ZNRF1: variants seen among roughly 807,000 people sequenced by gnomAD.
ZNRF1 encodes the protein zinc and ring finger 1.
ZNRF1 carries 3 observed loss-of-function variants against 18.4 expected under a neutral mutation model. The ratio of observed to expected loss-of-function variants is 0.16; its 90% CI spans 0.07 to 0.42. The LOEUF (loss-of-function observed/expected upper bound fraction) is 0.42, where lower values mean the gene tolerates loss of function less well. ZNRF1 is among the 10% of genes least tolerant of loss of function. The probability of loss-of-function intolerance (pLI) is 0.99; values close to 1 mark genes in which losing one functional copy is unlikely to be tolerated. For synonymous variants in ZNRF1, 157 were observed against 144.2 expected (o/e 1.09, Z -0.64); for missense variants, 310 against 329.8 (o/e 0.94, Z 0.47).
At chr16:75,021,234 T>A (rs1156564327) in intron 1 of ZNRF1, among the ~76,000 whole-genome samples, 4 of 152,084 alleles carry the variant, frequency 2.6e-5, no homozygotes, top group African/African-American at 7.2e-5. Flanking sequence ...AGAGACTCTT[T>A]CACCACGTTG....
intron 2 of ZNRF1, among the ~76,000 whole-genome samples, chr16:75,103,407 C>T (rs764776676): frequency 3.3e-5 from 5 of 152,214 alleles, no homozygotes; most frequent in Non-Finnish European, 5.9e-5. Context: ...AACACTTCAT[C>T]GCCCCAAAAG....
intron 1 of ZNRF1, among the ~76,000 whole-genome samples, chr16:75,021,148 C>G (rs1294235416): frequency 6.6e-6 from 1 of 152,180 alleles, no homozygotes; most frequent in Non-Finnish European, 1.5e-5. Context: ...TCAAGTGATT[C>G]TCCTGCCTCA....
At chr16:75,064,323 TAAAC>T (rs1439544269) in intron 1 of ZNRF1, among the ~76,000 whole-genome samples, 4 of 150,824 alleles carry the variant, frequency 2.7e-5, no homozygotes, top group Admixed American at 6.6e-5. Context: ...AATAATTAAA[TAAAC>T]AAGAAAACTC....
intron 1 of ZNRF1, among the ~76,000 whole-genome samples, chr16:75,003,177 G>C (rs770426129): frequency 6.6e-5 from 10 of 152,190 alleles, no homozygotes; most frequent in Non-Finnish European, 1.3e-4. Context: ...TATCAGGCTG[G>C]TCTCAAACTC....
At chr16:75,045,660 G>A (rs1783617883) in intron 1 of ZNRF1, among the ~76,000 whole-genome samples, 1 of 151,582 alleles carries the variant, frequency 6.6e-6, no homozygotes, top group South Asian at 2.1e-4. Flanking sequence ...CTTTGAGTGT[G>A]AACCTGCATC....
At chr16:75,073,475 G>A (rs1411168149) in intron 1 of ZNRF1, among the ~76,000 whole-genome samples, 4 of 151,864 alleles carry the variant, frequency 2.6e-5, no homozygotes, top group African/African-American at 7.3e-5. Context: ...TCCCCACCCC[G>A]CCGTAGCCAA....
intron 1 of ZNRF1, among the ~76,000 whole-genome samples, chr16:75,030,562 A>C (rs1420786223): frequency 6.6e-6 from 1 of 152,182 alleles, no homozygotes; most frequent in African/African-American, 2.4e-5. Flanking sequence ...CCAACAGCAC[A>C]AGCAACACAA....
intron 1 of ZNRF1, among the ~76,000 whole-genome samples, chr16:75,025,328 A>G (rs1241297278): frequency 2.0e-5 from 3 of 152,104 alleles, no homozygotes; most frequent in African/African-American, 4.8e-5. Context: ...TCGGCCTCCC[A>G]AAGTGCTGGG....
intron 1 of ZNRF1, among the ~76,000 whole-genome samples, chr16:75,072,128 A>T (rs987707178): frequency 1.3e-5 from 2 of 151,540 alleles, no homozygotes; most frequent in Admixed American, 6.6e-5. Flanking sequence ...TAATTATCAG[A>T]TACATGGTAT....
At chr16:75,020,705 C>A (rs909141702) in intron 1 of ZNRF1, among the ~76,000 whole-genome samples, 4 of 152,064 alleles carry the variant, frequency 2.6e-5, no homozygotes, top group Non-Finnish European at 4.4e-5. Context: ...CCACACCCAG[C>A]TAATTTTTTT....
At chr16:75,056,340 G>A (rs997342290) in intron 1 of ZNRF1, among the ~76,000 whole-genome samples, 1 of 152,214 alleles carries the variant, frequency 6.6e-6, no homozygotes, top group Admixed American at 6.5e-5. Context: ...GGTTGAGTAT[G>A]GTGGAAGATT....
intron 1 of ZNRF1, among the ~76,000 whole-genome samples, chr16:75,027,266 G>A (rs998242492): frequency 6.6e-6 from 1 of 151,858 alleles, no homozygotes; most frequent in African/African-American, 2.4e-5. Context: ...GCAAGACCCT[G>A]TCTCTTAAAA....
chr16:75,049,024 A>G (rs12443706), intron 1 of ZNRF1, among the ~76,000 whole-genome samples: 56,724 of 143,812 alleles, frequency 0.39, 12,973 homozygotes, highest in Middle Eastern at 0.52. Flanking sequence ...TTTTTTTGAG[A>G]TGGAGTCTCT....
chr16:75,030,548 GACACCAACA>G (rs749996795), intron 1 of ZNRF1, among the ~76,000 whole-genome samples: 18 of 152,046 alleles, frequency 1.2e-4, no homozygotes, highest in Non-Finnish European at 1.9e-4. Context: ...TCTTAAATAT[GACACCAACA>G]GCACAAGCAA....
At chr16:75,048,783 G>T (rs2035549804) in intron 1 of ZNRF1, among the ~76,000 whole-genome samples, 1 of 152,128 alleles carries the variant, frequency 6.6e-6, no homozygotes, top group African/African-American at 2.4e-5. Flanking sequence ...ACTAGGCAAA[G>T]GTGATCTGTA....
Position 75,107,739 on chromosome 16 carries a change from A to AG in ZNRF1, c.*40dup, listed in dbSNP as rs1177617401. On this transcript the variant is annotated 3_prime_UTR_variant, in exon 5 of 5. Coordinates refer to ENST00000335325, the MANE Select transcript of ZNRF1 (RefSeq NM_032268.5). ...TTTATTACGGTCCACACAGGGACAG[A>AG]GCGCCCCTGCTCCAGGGAGGAGGCT... 4.4e-6 allele frequency: 2 copies of AG among 456,338 alleles called. No individual in the cohort carries two copies. Among genetic ancestry groups the AG allele is most frequent in the African/African-American group, 4.0e-5 (2 of 50,082 alleles). The allele number at this position is 456,338 out of a possible 1,614,324, so 28.3% of individuals were successfully genotyped here.
chr16:75,034,865 G>A (rs768656719), intron 1 of ZNRF1, among the ~76,000 whole-genome samples: 11 of 152,170 alleles, frequency 7.2e-5, no homozygotes, highest in Middle Eastern at 3.4e-3. Context: ...GGCCTCAAGT[G>A]ATCCACCAGC....
At chr16:75,080,947 G>T (rs1329821844) in intron 1 of ZNRF1, among the ~76,000 whole-genome samples, 1 of 152,112 alleles carries the variant, frequency 6.6e-6, no homozygotes, top group African/African-American at 2.4e-5. Context: ...GCCAAGGTGG[G>T]CGGATCACCA....
chr16:75,029,740 G>T (rs2035275573), intron 1 of ZNRF1, among the ~76,000 whole-genome samples: 4 of 151,778 alleles, frequency 2.6e-5, no homozygotes, highest in Admixed American at 2.6e-4. Context: ...CTGCACTCTA[G>T]CCTGGGTAAC....
Sources: allele counts gnomAD v4.1 joint callset (sites outside exome capture counted in the v4.1 genomes callset), GRCh38; gene constraint gnomAD v4.1.1; transcripts MANE v1.5; gene names NCBI Gene and HGNC (gene_info 2026-07-23, HGNC 2026-07-21).